Variants in FAM110B observed in about 807,000 individuals in gnomAD.
FAM110B encodes the protein family with sequence similarity 110 member B, also known as protein FAM110B.
In FAM110B, 6 loss-of-function variants were observed where a neutral mutation model predicts 20.4. The observed-to-expected ratio is 0.29, with a 90% CI of 0.16 to 0.58. The LOEUF (loss-of-function observed/expected upper bound fraction) is 0.58, where lower values mean the gene tolerates loss of function less well. Among genes scored for constraint, FAM110B ranks in the 20% least tolerant of loss-of-function variants. The probability of loss-of-function intolerance (pLI) is 0.90; values close to 1 mark genes in which losing one functional copy is unlikely to be tolerated. For synonymous variants in FAM110B, 226 were observed against 214.1 expected, an observed-to-expected ratio of 1.06 and a Z score of -0.49; for missense variants, 434 against 498.2, an observed-to-expected ratio of 0.87 and a Z score of 1.23.
intron 3 of FAM110B, among the ~76,000 whole-genome samples, chr8:58,093,707 T>A (rs977490648): frequency 1.3e-5 from 2 of 152,208 alleles, no homozygotes; most frequent in East Asian, 3.9e-4. Flanking sequence ...GTTCTTTTTG[T>A]TTAGAATTGT....
chr8:58,051,803 GA>G (rs57463160), intron 2 of FAM110B, among the ~76,000 whole-genome samples: 8,418 of 152,240 alleles, frequency 0.055, 309 homozygotes, highest in South Asian at 0.11. Flanking sequence ...ACATGGGTTG[GA>G]ACGGATATAA....
At chr8:58,080,184 C>G (rs181650316) in intron 3 of FAM110B, among the ~76,000 whole-genome samples, 4 of 152,344 alleles carry the variant, frequency 2.6e-5, no homozygotes, top group Non-Finnish European at 5.9e-5. Flanking sequence ...AAACCTCTAT[C>G]CAGCCCTTGC....
chr8:58,103,350 G>A (rs1806831581), intron 3 of FAM110B, among the ~76,000 whole-genome samples: 1 of 132,020 alleles, frequency 7.6e-6, no homozygotes, highest in African/African-American at 2.9e-5. Flanking sequence ...AGTCCCCAGA[G>A]TGTGATGTTC....
At chr8:58,034,293 T>C (rs1237258363) in intron 2 of FAM110B, among the ~76,000 whole-genome samples, 1 of 152,246 alleles carries the variant, frequency 6.6e-6, no homozygotes, top group Non-Finnish European at 1.5e-5. Flanking sequence ...GCAAGGCTTC[T>C]GTTTTCTTAT....
chr8:58,111,120 A>G (rs769851540), intron 3 of FAM110B, among the ~76,000 whole-genome samples: 1 of 152,232 alleles, frequency 6.6e-6, no homozygotes, highest in Non-Finnish European at 1.5e-5. Flanking sequence ...TATAAAAATA[A>G]TTGTATGTTT....
At chr8:58,010,745 A>T (rs1804516226) in intron 1 of FAM110B, among the ~76,000 whole-genome samples, 2 of 152,340 alleles carry the variant, frequency 1.3e-5, no homozygotes, top group South Asian at 2.1e-4. Flanking sequence ...GTTTGGTAAG[A>T]TTCCACTTGA....
chr8:58,115,285 C>T (rs951486036), intron 3 of FAM110B, among the ~76,000 whole-genome samples: 24 of 152,152 alleles, frequency 1.6e-4, no homozygotes, highest in Non-Finnish European at 2.1e-4. Context: ...CCCCAGACAA[C>T]GAATTCTATA....
Position 58,146,659 on chromosome 8 carries a change from C to T in FAM110B, c.429C>T (p.Asn143=). ...CGGGGCACAAGCACAGCTCCCGCAA[C>T]TGGCCGCCCCACCGGTCGGAAGCCA... The part of the protein sequence containing the change: ...SGSGHKHSSR[N]WPPHRSEATD... The change falls in exon 4 of 4, where the codon AAC becomes AAT. Residue 143 remains asparagine (N), a synonymous_variant. Transcript: ENST00000519262. The T allele has an allele frequency of 6.2e-7, 1 of 1,612,928 alleles. No homozygotes were observed. The highest frequency in any genetic ancestry group is 8.5e-7 in the Non-Finnish European group (1 of 1,179,532).
At chr8:58,075,220 C>T (rs965821063) in intron 2 of FAM110B, among the ~76,000 whole-genome samples, 2 of 150,952 alleles carry the variant, frequency 1.3e-5, no homozygotes, top group Non-Finnish European at 2.9e-5. Flanking sequence ...ATTCTTGTGC[C>T]TCAGCCTCCC....
chr8:58,083,284 A>T (rs1404180120), intron 3 of FAM110B, among the ~76,000 whole-genome samples: 2 of 152,222 alleles, frequency 1.3e-5, no homozygotes, highest in African/African-American at 4.8e-5. Flanking sequence ...GAGAAGAAAC[A>T]GAAGAAACTG....
At chr8:58,103,001 T>C (rs371633176) in intron 3 of FAM110B, among the ~76,000 whole-genome samples, 2 of 57,070 alleles carry the variant, frequency 3.5e-5, no homozygotes, top group African/African-American at 1.2e-4. Context: ...ATGCTTGTTA[T>C]GAAAAAAAAA....
chr8:58,022,204 T>C (rs963061905), intron 1 of FAM110B, among the ~76,000 whole-genome samples: 6 of 152,188 alleles, frequency 3.9e-5, no homozygotes, highest in African/African-American at 1.2e-4. Context: ...AAATGTCCCT[T>C]GACATGAGAA....
chr8:58,011,925 G>A (rs1251510742), intron 1 of FAM110B, among the ~76,000 whole-genome samples: 1 of 152,196 alleles, frequency 6.6e-6, no homozygotes. Flanking sequence ...CTTCGTGACT[G>A]AGTAGCCCTC....
intron 1 of FAM110B, among the ~76,000 whole-genome samples, chr8:58,028,512 T>A (rs868217495): frequency 5.8e-4 from 89 of 152,220 alleles, no homozygotes; most frequent in African/African-American, 1.7e-3. Flanking sequence ...ATGTTGAAGA[T>A]CTCTTCCTGT....
chr8:58,099,410 A>T (rs76018229), intron 3 of FAM110B, among the ~76,000 whole-genome samples: 31 of 152,332 alleles, frequency 2.0e-4, no homozygotes, highest in African/African-American at 7.5e-4. Flanking sequence ...CAGATAAGTG[A>T]TACTCAACCT....
Position 58,146,584 on chromosome 8 carries a change from G to A in FAM110B, c.354G>A (p.Leu118=), listed in dbSNP as rs763776582. The change falls in exon 4 of 4, where the codon CTG becomes CTA. Residue 118 remains leucine, a synonymous_variant. Coordinates refer to ENST00000519262, the MANE Select transcript of FAM110B (RefSeq NM_001377989.1). ...ESGVQRENLK[L]EILKNIINSS... is the part of the protein sequence containing the mutation. ...GCGTGCAGAGGGAGAACCTGAAGCT[G>A]GAGATCCTGAAGAACATCATCAATA... 6.2e-7 allele frequency: 1 copy of A among 1,614,018 alleles called. No homozygotes were observed. The highest frequency in any genetic ancestry group is 8.5e-7 in the Non-Finnish European group (1 of 1,179,938).
chr8:58,142,662 T>A (rs540257749), intron 3 of FAM110B, among the ~76,000 whole-genome samples: 27 of 152,302 alleles, frequency 1.8e-4, no homozygotes, highest in Non-Finnish European at 4.0e-4. Flanking sequence ...CAAGTTTCTT[T>A]TCCCCAGTCC....
chr8:58,005,329 G>A (rs1320287297), intron 1 of FAM110B, among the ~76,000 whole-genome samples: 1 of 152,118 alleles, frequency 6.6e-6, no homozygotes, highest in African/African-American at 2.4e-5. Flanking sequence ...GTTACGGTTT[G>A]TAGTGCCCCA....
rs78941039 is a variant in FAM110B, at chr8:58,142,584, T to C, written c.-324-3323T>C. On this transcript the variant is annotated intron_variant, in intron 3 of 3. Transcript: ENST00000519262. ...TGCCACCATCACCCCCAGGCCAGAT[T>C]GCTTTTGAGTTCACATTTGAGTTCA... is the stretch of plus-strand genomic sequence containing the variant. Among the ~76,000 whole-genome samples the C allele has an allele frequency of 3.5e-3, 532 of 151,624 alleles. 5 individuals carry two copies. Among genetic ancestry groups the C allele is most frequent in the African/African-American group, 0.012 (511 of 41,326 alleles).
Sources: gnomAD v4.1 joint callset for allele counts (sites outside exome capture counted in the v4.1 genomes callset) on GRCh38, gnomAD v4.1.1 for gene constraint, MANE v1.5 for transcripts, NCBI Gene and HGNC (gene_info 2026-07-23, HGNC 2026-07-21) for gene names.